Variants in TP63 observed in about 807,000 individuals in gnomAD.
The protein encoded by TP63 is tumor protein 63.
TP63 carries 17 observed loss-of-function variants against 82.8 expected under a neutral mutation model. The observed-to-expected ratio is 0.21, with a 90% CI of 0.14 to 0.31. The LOEUF is 0.31. TP63 is among the 10% of genes least tolerant of loss of function. The pLI is 1.00. For synonymous variants in TP63, 330 were observed against 321.7 expected, an observed-to-expected ratio of 1.03 and a Z score of -0.28; for missense variants, 648 against 895.3, an observed-to-expected ratio of 0.72 and a Z score of 3.52.
intron 1 of TP63, among the ~76,000 whole-genome samples, chr3:189,697,566 C>G (rs566099394): frequency 6.6e-6 from 1 of 151,698 alleles, no homozygotes; most frequent in Non-Finnish European, 1.5e-5. Flanking sequence ...AGTGAGTTTG[C>G]CAATATCTCA....
intron 4 of TP63, among the ~76,000 whole-genome samples, chr3:189,837,130 C>T (rs1187097026): frequency 2.6e-5 from 4 of 152,078 alleles, no homozygotes; most frequent in Non-Finnish European, 5.9e-5. Context: ...GGTGGTGTTT[C>T]GCAGTCAACA....
intron 3 of TP63, among the ~76,000 whole-genome samples, chr3:189,792,948 A>G (rs746631600): frequency 5.3e-5 from 8 of 152,074 alleles, no homozygotes; most frequent in Admixed American, 2.0e-4. Context: ...TTTAAAAGAT[A>G]TGGGTGTGAG....
intron 3 of TP63, among the ~76,000 whole-genome samples, chr3:189,787,053 T>C (rs1311155262): frequency 6.6e-6 from 1 of 152,068 alleles, no homozygotes; most frequent in East Asian, 1.9e-4. Context: ...TTTATGGAAA[T>C]GTTTGTGCTG....
the TP63 span, among the ~76,000 whole-genome samples, chr3:189,609,172 C>T: frequency 6.6e-6 from 1 of 152,064 alleles, no homozygotes; most frequent in African/African-American, 2.4e-5. Flanking sequence ...TTTATTATCT[C>T]TTTGAATCTC....
intron 1 of TP63, among the ~76,000 whole-genome samples, chr3:189,693,239 A>C (rs909491985): frequency 1.3e-5 from 2 of 152,226 alleles, no homozygotes; most frequent in Non-Finnish European, 2.9e-5. Flanking sequence ...AGTGATTTAT[A>C]AAGTATATAC....
chr3:189,764,324 A>C (rs1386469493), intron 3 of TP63, among the ~76,000 whole-genome samples: 1 of 152,208 alleles, frequency 6.6e-6, no homozygotes, highest in Non-Finnish European at 1.5e-5. Context: ...GGAAACAAGA[A>C]CCATGTTGAT....
intron 9 of TP63, among the ~76,000 whole-genome samples, chr3:189,872,505 T>C (rs1271278110): frequency 6.6e-6 from 1 of 151,820 alleles, no homozygotes; most frequent in Non-Finnish European, 1.5e-5. Context: ...GCACTGCCCT[T>C]GAGGGTCTTT....
At chr3:189,798,033 T>C (rs1725892053) in intron 3 of TP63, among the ~76,000 whole-genome samples, 1 of 152,034 alleles carries the variant, frequency 6.6e-6, no homozygotes, top group South Asian at 2.1e-4. Flanking sequence ...CCCTATCCTT[T>C]GACTGAAGAC....
chr3:189,705,318 G>A (rs1718117631), intron 1 of TP63, among the ~76,000 whole-genome samples: 1 of 152,260 alleles, frequency 6.6e-6, no homozygotes, highest in East Asian at 1.9e-4. Flanking sequence ...CTACCCTATA[G>A]GATTAGTATA....
chr3:189,703,795 T>A (rs1053535280), intron 1 of TP63, among the ~76,000 whole-genome samples: 8 of 152,150 alleles, frequency 5.3e-5, no homozygotes, highest in Non-Finnish European at 1.2e-4. Context: ...AAGAAAGTGA[T>A]CATGACTTAT....
intron 10 of TP63, among the ~76,000 whole-genome samples, chr3:189,875,617 T>TATATATATACAC: frequency 9.6e-6 from 1 of 104,094 alleles, no homozygotes; most frequent in African/African-American, 3.9e-5. Flanking sequence ...TATATATATA[T>TATATATATACAC]ATATATATAT....
At chr3:189,648,408 G>T (rs115257365) in intron 1 of TP63, among the ~76,000 whole-genome samples, 6,223 of 146,920 alleles carry the variant, frequency 0.042, 616 homozygotes, top group Non-Finnish European at 0.055. Flanking sequence ...TCTACTTTGT[G>T]CCCCAATTCA....
At chr3:189,799,287 G>T (rs967386335) in intron 3 of TP63, among the ~76,000 whole-genome samples, 2 of 151,974 alleles carry the variant, frequency 1.3e-5, no homozygotes, top group Admixed American at 6.6e-5. Context: ...GGCTAACTGG[G>T]CATAAAATCA....
At chr3:189,682,936 G>A (rs2141612) in intron 1 of TP63, among the ~76,000 whole-genome samples, 77,724 of 151,672 alleles carry the variant, frequency 0.51, 20,467 homozygotes, top group African/African-American at 0.67. Context: ...ACTAATGAGC[G>A]CTTACATCCA....
rs575273079 is a variant in TP63, at chr3:189,668,124, T to C, written c.62+36547T>C. Among the ~76,000 whole-genome samples the C allele has an allele frequency of 2.4e-4, 36 of 152,106 alleles. No individual in the cohort carries two copies. The South Asian group carries it at 7.1e-3, about 30-fold the overall frequency. On this transcript the variant is annotated intron_variant, in intron 1 of 13. Coordinates refer to ENST00000264731, the MANE Select transcript of TP63 (RefSeq NM_003722.5). ...GGGCTTGAGAAAAAAAATTAGGCAT[T>C]GCACAGATATGTTCAACAAAGCATA...
At chr3:189,767,132 C>A (rs6808022) in intron 3 of TP63, among the ~76,000 whole-genome samples, 3,208 of 152,118 alleles carry the variant, frequency 0.021, 101 homozygotes, top group African/African-American at 0.068. Flanking sequence ...AAAGGTTCTT[C>A]GTCTATGGTG....
At chr3:189,791,899 A>G (rs747784182) in intron 3 of TP63, among the ~76,000 whole-genome samples, 4 of 152,100 alleles carry the variant, frequency 2.6e-5, no homozygotes, top group Non-Finnish European at 5.9e-5. Context: ...ATTTATGTTT[A>G]TTAGTAACTG....
chr3:189,848,644 T>A (rs1577097266), intron 4 of TP63, among the ~76,000 whole-genome samples: 1 of 152,348 alleles, frequency 6.6e-6, no homozygotes, highest in African/African-American at 2.4e-5. Flanking sequence ...GTTGGATTTC[T>A]ACAGAAATTC....
intron 4 of TP63, among the ~76,000 whole-genome samples, chr3:189,828,936 G>A (rs1577051537): frequency 6.6e-6 from 1 of 152,164 alleles, no homozygotes; most frequent in Non-Finnish European, 1.5e-5. Flanking sequence ...ATTATAAATA[G>A]CAGTACCATT....
Sources: gnomAD v4.1 joint callset for allele counts (sites outside exome capture counted in the v4.1 genomes callset) on GRCh38, gnomAD v4.1.1 for gene constraint, MANE v1.5 for transcripts, NCBI Gene and HGNC (gene_info 2026-07-23, HGNC 2026-07-21) for gene names.